CTSB: variants seen among roughly 807,000 people sequenced by gnomAD.
The protein encoded by CTSB is cathepsin B.
CTSB carries 57 observed loss-of-function variants against 44.3 expected under a neutral mutation model. The observed-to-expected ratio is 1.29, with a 90% CI of 1.04 to 1.60. The LOEUF (loss-of-function observed/expected upper bound fraction) is 1.60, where lower values mean the gene tolerates loss of function less well. Ranked by LOEUF, CTSB falls within the 40% of genes most tolerant of loss-of-function variation. The probability of loss-of-function intolerance (pLI) is 0.00; values close to 1 mark genes in which losing one functional copy is unlikely to be tolerated. For missense variants in CTSB, 768 were observed against 443.0 expected, an observed-to-expected ratio of 1.73 and a Z score of -6.59; for synonymous variants, 320 against 168.0, an observed-to-expected ratio of 1.91 and a Z score of -7.00.
chr8:11,855,310 G>A (rs535782701), intron 1 of CTSB, among the ~76,000 whole-genome samples: 129 of 152,204 alleles, frequency 8.5e-4, no homozygotes, highest in African/African-American at 3.0e-3. Context: ...GTGAGGCACC[G>A]CACCAGGCCC....
chr8:11,865,855 A>T (rs995548588), intron 1 of CTSB, among the ~76,000 whole-genome samples: 6 of 149,718 alleles, frequency 4.0e-5, no homozygotes, highest in East Asian at 3.9e-4. Context: ...AAAAATACAA[A>T]AAAAAAAAAA....
intron 1 of CTSB, chr8:11,865,472 G>A (rs1315483639): frequency 1.3e-5 from 2 of 151,160 alleles, no homozygotes; most frequent in East Asian, 1.9e-4. Flanking sequence ...GCCTGTAATC[G>A]CAGCTAGTTG....
Position 11,853,600 on chromosome 8 carries a change from A to G in CTSB, c.-25-121T>C, listed in dbSNP as rs983417805. 11 of 1,018,420 alleles carry G rather than the reference A, an allele frequency of 1.1e-5. No homozygotes were observed. The Admixed American group carries it at 3.1e-4, about 29-fold the overall frequency. The allele number at this position is 1,018,420 out of a possible 1,614,324, so 63.1% of individuals were successfully genotyped here. On this transcript the variant is annotated intron_variant, in intron 1 of 9. Transcript: ENST00000353047. ...CATGCTCGTCCTGGCCCAGGCGGAGAACTCTTAAGGAGCTGAGGTGTCTAT... is the reference window on the plus strand; with the variant it reads ...CATGCTCGTCCTGGCCCAGGCGGAGGACTCTTAAGGAGCTGAGGTGTCTAT...
At position 11,845,196 on chromosome 8, in the gene CTSB, C is replaced by T. The variant is rs79487342; in HGVS notation, c.949G>A (p.Asp317Asn). 1,040 of 1,613,798 alleles carry T rather than the reference C, an allele frequency of 6.4e-4. 6 individuals carry two copies. The East Asian group carries it at 0.015, about 23-fold the overall frequency. The change falls in exon 10 of 10, where the codon GAT (aspartate) becomes AAT (asparagine). Residue 317 changes from aspartate (D) to asparagine (N), a missense_variant. Asp to Asn is a conservative substitution (Grantham distance 23). Coordinates refer to ENST00000353047, the MANE Select transcript of CTSB (RefSeq NM_001908.5). ...ACTTCTGATTCGATTCCACAGTGATCCTGTCCTCTGAGTATTTTAAAGAAG... is the reference window on the plus strand; with the variant it reads ...ACTTCTGATTCGATTCCACAGTGATTCTGTCCTCTGAGTATTTTAAAGAAG... ...NGFFKILRGQ[D>N]HCGIESEVVA...
chr8:11,847,757 C>G lies in CTSB; in HGVS notation c.598G>C (p.Gly200Arg). 1 of 1,601,758 alleles carries G rather than the reference C, an allele frequency of 6.2e-7. No homozygotes were observed. The highest frequency in any genetic ancestry group is 8.5e-7 in the Non-Finnish European group (1 of 1,176,206). Residue 200 changes from glycine to arginine, a missense_variant, in exon 7 of 10, where the codon GGG becomes CGG. Coordinates refer to ENST00000353047, the MANE Select transcript of CTSB (RefSeq NM_001908.5). ...HVNGSRPPCTGEGDTPKCSKI... is the reference protein window; with the variant it reads ...HVNGSRPPCTREGDTPKCSKI... ...CTACACTTGGGGGTATCTCCCTCCCCCGTGCATGGGGGCCGGGAGCCGTTG... is the reference window on the plus strand; with the variant it reads ...CTACACTTGGGGGTATCTCCCTCCCGCGTGCATGGGGGCCGGGAGCCGTTG...
At position 11,846,085 on chromosome 8, in the gene CTSB, C is replaced by CAT. The variant is rs1813272881; in HGVS notation, c.794-297_794-296insAT. On this transcript the variant is annotated intron_variant, in intron 8 of 9. Coordinates refer to ENST00000353047, the MANE Select transcript of CTSB (RefSeq NM_001908.5). ...ATTCTAATTGATAAAACATTTAATGCTAGATGACTGATTCATCTGTTCTTT... is the reference window on the plus strand; with the variant it reads ...ATTCTAATTGATAAAACATTTAATGCATTAGATGACTGATTCATCTGTTCTTT... 3 of 220,268 alleles carry CAT rather than the reference C, an allele frequency of 1.4e-5. No homozygotes were observed. In the Admixed American group the frequency reaches 1.8e-4, roughly 13 times the overall value. 13.6% of individuals were successfully genotyped at this position (220,268 alleles called of 1,614,324 possible).
intron 1 of CTSB, among the ~76,000 whole-genome samples, chr8:11,865,769 G>A (rs979413264): frequency 6.6e-6 from 1 of 151,014 alleles, no homozygotes; most frequent in East Asian, 1.9e-4. Flanking sequence ...TACCACTTTG[G>A]GAGGCTGAGG....
chr8:11,847,287 T>G (rs374578707), intron 7 of CTSB, 119 bp from the exon 8 acceptor site: 2 of 713,600 alleles, frequency 2.8e-6, no homozygotes, highest in South Asian at 3.2e-5. Context: ...CTAAGGGGAC[T>G]TGCCCTGCCA....
intron 6 of CTSB, 24 bp from the exon 7 acceptor site, chr8:11,847,846 G>A (rs767138013): frequency 6.5e-7 from 1 of 1,528,538 alleles, no homozygotes; most frequent in Non-Finnish European, 8.7e-7. Flanking sequence ...GGAGAAAGCG[G>A]AGTCAACCTA....
At chr8:11,849,245 G>T in intron 4 of CTSB, 81 bp from the exon 5 acceptor site, 1 of 1,087,524 alleles carries the variant, frequency 9.2e-7, no homozygotes, top group Non-Finnish European at 1.4e-6. Flanking sequence ...GGGCCACAGG[G>T]GCACCTCAGA....
intron 1 of CTSB, 139 bp from the exon 2 acceptor site, chr8:11,853,618 G>GC: frequency 1.2e-6 from 1 of 805,136 alleles, no homozygotes; most frequent in Non-Finnish European, 1.9e-6. Flanking sequence ...AGGAGCTGAG[G>GC]TGTCTATGGG....
chr8:11,845,339 T>G (rs973283502), intron 9 of CTSB, 117 bp from the exon 10 acceptor site: 5 of 780,360 alleles, frequency 6.4e-6, no homozygotes, highest in Non-Finnish European at 1.1e-5. Context: ...GTTGGCCCAC[T>G]AGCACAGTCC....
intron 7 of CTSB, 81 bp downstream of exon 7, chr8:11,847,598 A>ACCT: frequency 3.4e-6 from 5 of 1,454,114 alleles, no homozygotes; most frequent in Non-Finnish European, 4.6e-6. Flanking sequence ...CTCAGCCCTG[A>ACCT]CCTCTTCGCT....
chr8:11,844,238 T>G lies in CTSB; in HGVS notation c.*887A>C, dbSNP rs1044793444. ...AAGAACATGCAGTTCCAGGACGTGA[T>G]TCTCTGCAGGGACAAAGAGAGACAG... On this transcript the variant is annotated 3_prime_UTR_variant, in exon 10 of 10. Coordinates refer to ENST00000353047, the MANE Select transcript of CTSB (RefSeq NM_001908.5). 6.6e-6 allele frequency: 1 copy of G among 152,200 alleles called. No individual in the cohort carries two copies. The highest frequency in any genetic ancestry group is 1.5e-5 in the Non-Finnish European group (1 of 68,050). The allele number at this position is 152,200 out of a possible 1,614,324, so 9.4% of individuals were successfully genotyped here. A position where few individuals can be genotyped will look rare whatever the true frequency, so the allele number is the denominator to read the frequency against.
chr8:11,846,340 G>C (rs1389334878), intron 8 of CTSB: 1 of 152,364 alleles, frequency 6.6e-6, no homozygotes, highest in African/African-American at 2.4e-5. Flanking sequence ...TTAATAATAA[G>C]GGCGAGGACT....
At chr8:11,854,236 G>A (rs952829872) in intron 1 of CTSB, among the ~76,000 whole-genome samples, 11 of 152,140 alleles carry the variant, frequency 7.2e-5, no homozygotes, top group South Asian at 2.1e-4. Context: ...GGGGAGAGCC[G>A]CGGCGCGGGG....
In CTSB at chr8:11,847,141, C is replaced by T. The variant is rs17573; in HGVS notation, c.704G>A (p.Ser235Asn). The T allele has an allele frequency of 7.9e-3, 12,638 of 1,593,386 alleles. 737 individuals carry two copies. The African/African-American group carries it at 0.15, about 18-fold the overall frequency. ...GATCTCGGCCATGATGTCCTTCTCG[C>T]TATTGGAGACGCTGTAGGAATTGTA... is the stretch of plus-strand genomic sequence containing the variant. ...YGYNSYSVSNSEKDIMAEIYK... is the reference protein window; with the variant it reads ...YGYNSYSVSNNEKDIMAEIYK... Residue 235 changes from serine (S) to asparagine (N), a missense_variant, in exon 8 of 10, where the codon AGC becomes AAC. Ser to Asn is a conservative substitution (Grantham distance 46). Transcript: ENST00000353047.
chr8:11,845,286 T>C, intron 9 of CTSB, 64 bp from the exon 10 acceptor site: 2 of 1,259,264 alleles, frequency 1.6e-6, no homozygotes, highest in Non-Finnish European at 2.3e-6. Flanking sequence ...GTCAGACTCA[T>C]CCTTAAAAGA....
intron 1 of CTSB, among the ~76,000 whole-genome samples, chr8:11,854,026 T>C (rs2131066081): frequency 6.6e-6 from 1 of 152,284 alleles, no homozygotes; most frequent in Non-Finnish European, 1.5e-5. Context: ...GTTTTTCCAG[T>C]CAGCCAAGGG....
Sources: allele counts gnomAD v4.1 joint callset (sites outside exome capture counted in the v4.1 genomes callset), GRCh38; gene constraint gnomAD v4.1.1; transcripts MANE v1.5; gene names NCBI Gene and HGNC (gene_info 2026-07-23, HGNC 2026-07-21).